BLTP3B: variants seen among roughly 807,000 people sequenced by gnomAD.
BLTP3B encodes UHRF1 (ICBP90) binding protein 1-like.
At chr12:100,055,012 T>C in the BLTP3B span, among the ~76,000 whole-genome samples, 2 of 152,320 alleles carry the variant, frequency 1.3e-5, no homozygotes, top group East Asian at 3.9e-4. Context: ...GTTTAATAAA[T>C]GTTTGCTATT....
the BLTP3B span, among the ~76,000 whole-genome samples, chr12:100,063,952 T>C: frequency 6.6e-6 from 1 of 152,106 alleles, no homozygotes; most frequent in Non-Finnish European, 1.5e-5. Flanking sequence ...CCTGATTTAC[T>C]TGAAAAAGAA....
the BLTP3B span, chr12:100,050,146 A>G: frequency 1.4e-6 from 2 of 1,462,350 alleles, no homozygotes; most frequent in African/African-American, 1.4e-5. Flanking sequence ...TATATGAAAA[A>G]TAATTAAAAA....
At chr12:100,069,531 AAAGG>A in the BLTP3B span, among the ~76,000 whole-genome samples, 2 of 151,750 alleles carry the variant, frequency 1.3e-5, no homozygotes, top group East Asian at 3.9e-4. Context: ...TCAGCCATAA[AAAGG>A]AATGAATTAA....
At chr12:100,040,173 T>G in the BLTP3B span, among the ~76,000 whole-genome samples, 1 of 152,140 alleles carries the variant, frequency 6.6e-6, no homozygotes, top group Non-Finnish European at 1.5e-5. Context: ...GACGTGACAT[T>G]ACTACCAACC....
the BLTP3B span, chr12:100,058,234 C>T: frequency 1.9e-6 from 3 of 1,612,802 alleles, no homozygotes; most frequent in Non-Finnish European, 2.5e-6. Context: ...TTCGAATCTT[C>T]TCTGTAGTTT....
chr12:100,089,821 T>C, the BLTP3B span, among the ~76,000 whole-genome samples: 1 of 152,234 alleles, frequency 6.6e-6, no homozygotes, highest in Non-Finnish European at 1.5e-5. Flanking sequence ...AAATCTCATC[T>C]TGAATGGTAG....
chr12:100,107,055 A>AGGC, the BLTP3B span, among the ~76,000 whole-genome samples: 1 of 152,078 alleles, frequency 6.6e-6, no homozygotes, highest in African/African-American at 2.4e-5. Context: ...TGGGAGGCAG[A>AGGC]GGCGGGTGGT....
chr12:100,058,567 C>T, the BLTP3B span: 3 of 1,612,464 alleles, frequency 1.9e-6, no homozygotes, highest in South Asian at 2.2e-5. Flanking sequence ...GACAAAAAAT[C>T]CCCATTTTCT....
At chr12:100,116,513 CA>C in the BLTP3B span, among the ~76,000 whole-genome samples, 1 of 150,406 alleles carries the variant, frequency 6.6e-6, no homozygotes, top group Non-Finnish European at 1.5e-5. Context: ...CAATAGAGCC[CA>C]AAAAAGCATT....
the BLTP3B span, among the ~76,000 whole-genome samples, chr12:100,120,286 T>C: frequency 1.3e-5 from 2 of 152,094 alleles, no homozygotes; most frequent in South Asian, 2.1e-4. Context: ...TGAGGCAGAA[T>C]TGCTTGAACC....
chr12:100,054,609 A>T, the BLTP3B span, among the ~76,000 whole-genome samples: 17 of 152,302 alleles, frequency 1.1e-4, no homozygotes, highest in African/African-American at 4.1e-4. Flanking sequence ...GCACGGGGGA[A>T]CTAGAGTTAT....
At chr12:100,141,406 T>G in the BLTP3B span, among the ~76,000 whole-genome samples, 1 of 147,062 alleles carries the variant, frequency 6.8e-6, no homozygotes, top group South Asian at 2.2e-4. Context: ...TATATATGTG[T>G]ATATATGTAT....
chr12:100,111,379 G>A, the BLTP3B span, among the ~76,000 whole-genome samples: 11 of 136,848 alleles, frequency 8.0e-5, no homozygotes, highest in South Asian at 1.2e-3. Flanking sequence ...TTTCAACCAC[G>A]ACCGCCTGGA....
At chr12:100,135,185 T>C in the BLTP3B span, among the ~76,000 whole-genome samples, 1 of 152,212 alleles carries the variant, frequency 6.6e-6, no homozygotes, top group South Asian at 2.1e-4. Flanking sequence ...GTTTTCAAAA[T>C]ATCAAACAAG....
At chr12:100,086,543 T>G in the BLTP3B span, among the ~76,000 whole-genome samples, 1 of 152,144 alleles carries the variant, frequency 6.6e-6, no homozygotes, top group East Asian at 1.9e-4. Context: ...CCCCCCTCAT[T>G]TGTAAGGCAC....
the BLTP3B span, among the ~76,000 whole-genome samples, chr12:100,099,749 A>C: frequency 2.4e-4 from 36 of 151,284 alleles, no homozygotes; most frequent in Non-Finnish European, 3.8e-4. Context: ...CTTGTCTCAA[A>C]ATTAATTAAC....
the BLTP3B span, among the ~76,000 whole-genome samples, chr12:100,086,098 A>G: frequency 2.0e-5 from 3 of 152,116 alleles, no homozygotes; most frequent in African/African-American, 7.2e-5. Flanking sequence ...TATACACTGT[A>G]TGACTATATT....
the BLTP3B span, among the ~76,000 whole-genome samples, chr12:100,044,487 T>C: frequency 6.6e-6 from 1 of 152,168 alleles, no homozygotes; most frequent in South Asian, 2.1e-4. Context: ...AAGATATAAA[T>C]CTACTGACTC....
chr12:100,049,503 G>A, the BLTP3B span, among the ~76,000 whole-genome samples: 815 of 152,230 alleles, frequency 5.4e-3, 5 homozygotes, highest in Non-Finnish European at 8.4e-3. Flanking sequence ...TTTACACCAA[G>A]GATAGGTCTC....
Sources: allele counts gnomAD v4.1 joint callset (sites outside exome capture counted in the v4.1 genomes callset), GRCh38; gene constraint gnomAD v4.1.1; transcripts MANE v1.5; gene names NCBI Gene and HGNC (gene_info 2026-07-23, HGNC 2026-07-21).